The following BCL11B variants were observed in gnomAD, a reference collection of about 807,000 sequenced individuals.
BCL11B encodes B-cell lymphoma/leukemia 11B.
Under a neutral mutation model 49.9 loss-of-function variants are expected in BCL11B, and 8 were observed. The observed-to-expected ratio is 0.16, with a 90% CI of 0.09 to 0.29. The LOEUF (loss-of-function observed/expected upper bound fraction) is 0.29, where lower values mean the gene tolerates loss of function less well. Among genes scored for constraint, BCL11B ranks in the 10% least tolerant of loss-of-function variants. The probability of loss-of-function intolerance (pLI) is 1.00; values close to 1 mark genes in which losing one functional copy is unlikely to be tolerated. For missense variants in BCL11B, 1,006 were observed against 1,351.0 expected (o/e 0.74, Z 4.00); for synonymous variants, 739 against 637.4 (o/e 1.16, Z -2.40).
chr14:99,237,785 G>A (rs1888547629), intron 2 of BCL11B, among the ~76,000 whole-genome samples: 2 of 152,212 alleles, frequency 1.3e-5, no homozygotes, highest in African/African-American at 4.8e-5. Flanking sequence ...TGGCCTCTAT[G>A]TGGGCGGCTA....
At chr14:99,187,662 CA>C (rs11385017) in intron 3 of BCL11B, among the ~76,000 whole-genome samples, 115 of 136,074 alleles carry the variant, frequency 8.5e-4, no homozygotes, top group Admixed American at 1.2e-3. Context: ...GATAAACAGG[CA>C]AAAAAAAAAA....
rs1889188771 is a variant in BCL11B at position 99,257,173 on chromosome 14, A to C, written c.427+298T>G. On this transcript the variant is annotated intron_variant, in intron 2 of 3. Coordinates refer to ENST00000357195, the MANE Select transcript of BCL11B (RefSeq NM_138576.4). The surrounding 1 kb of genome is among the most constrained non-coding windows in gnomAD (Gnocchi z 6.2). ...AAGATCAGTAGCAAAGAGAGGGCCA[A>C]CCAGACTTCCAAATTTTCATTCTGT... Among the ~76,000 whole-genome samples, 1 of 152,144 alleles carries C rather than the reference A, an allele frequency of 6.6e-6. No homozygotes were observed. The highest frequency in any genetic ancestry group is 2.4e-5 in the African/African-American group (1 of 41,432).
intron 3 of BCL11B, among the ~76,000 whole-genome samples, chr14:99,186,468 C>T (rs375959575): frequency 3.9e-5 from 6 of 152,098 alleles, no homozygotes; most frequent in South Asian, 2.1e-4. Flanking sequence ...TGCAGTGAGC[C>T]GAGGTCGCAC....
chr14:99,258,358 C>T (rs1484622404), intron 1 of BCL11B, among the ~76,000 whole-genome samples: 1 of 152,204 alleles, frequency 6.6e-6, no homozygotes, highest in Non-Finnish European at 1.5e-5. Flanking sequence ...GGCCGAGAAC[C>T]AGTGAGCTGG....
At chr14:99,252,870 G>A (rs1015894615) in intron 2 of BCL11B, among the ~76,000 whole-genome samples, 2 of 152,264 alleles carry the variant, frequency 1.3e-5, no homozygotes, top group Non-Finnish European at 2.9e-5. Context: ...CCCCTTCAGT[G>A]ACTATCAAGT....
chr14:99,235,902 A>T (rs1888483848), intron 2 of BCL11B, among the ~76,000 whole-genome samples: 1 of 69,174 alleles, frequency 1.4e-5, no homozygotes, highest in Non-Finnish European at 4.0e-5. Flanking sequence ...AAAATTAAAA[A>T]AATTAAAAAA....
In BCL11B at chr14:99,271,952, T is replaced by G. The variant is rs1445577958; in HGVS notation, c.-734A>C. 1.3e-5 allele frequency among the ~76,000 whole-genome samples: 2 copies of G among 152,012 alleles called. No individual in the cohort carries two copies. Among genetic ancestry groups the G allele is most frequent in the Admixed American group, 1.3e-4 (2 of 15,268 alleles). ...TCGGAGACTGACCCTTCCGAGGCTC[T>G]GGGGGGACACCAGGAGAGGCTCCTT... On this transcript the variant is annotated 5_prime_UTR_variant, in exon 1 of 4. Transcript: ENST00000357195.
At position 99,194,767 on chromosome 14, in the gene BCL11B, A is replaced by G. The variant is rs1887132285; in HGVS notation, c.641-18572T>C. Among the ~76,000 whole-genome samples the G allele has an allele frequency of 1.3e-5, 2 of 152,188 alleles. No individual in the cohort carries two copies. Among genetic ancestry groups the G allele is most frequent in the African/African-American group, 2.4e-5 (1 of 41,440 alleles). ...GATGACTTGGCTCAAAAGCAGTCTCAACCGTGGAGCAGACGGCCTTCGATA... is the reference window on the plus strand; with the variant it reads ...GATGACTTGGCTCAAAAGCAGTCTCGACCGTGGAGCAGACGGCCTTCGATA... On this transcript the variant is annotated intron_variant, in intron 3 of 3. Transcript: ENST00000357195. The surrounding 1 kb of genome is among the most constrained non-coding windows in gnomAD (Gnocchi z 4.6).
intron 3 of BCL11B, among the ~76,000 whole-genome samples, chr14:99,183,753 G>A (rs1012222665): frequency 4.0e-5 from 6 of 151,854 alleles, no homozygotes; most frequent in Admixed American, 1.3e-4. Flanking sequence ...CATGGTCAGC[G>A]TTCCTGAAGT....
chr14:99,256,475 A>T (rs1240076375), intron 2 of BCL11B, among the ~76,000 whole-genome samples: 1 of 152,228 alleles, frequency 6.6e-6, no homozygotes, highest in Non-Finnish European at 1.5e-5. Flanking sequence ...ACTCGTCTGC[A>T]TAAACTCTGA....
intron 3 of BCL11B, among the ~76,000 whole-genome samples, chr14:99,230,915 G>C (rs1005567533): frequency 1.3e-5 from 2 of 152,284 alleles, no homozygotes; most frequent in East Asian, 3.9e-4. Flanking sequence ...CAGCATTTTG[G>C]ACGGCTCCAG....
chr14:99,198,695 C>T (rs930323268), intron 3 of BCL11B, among the ~76,000 whole-genome samples: 2 of 147,360 alleles, frequency 1.4e-5, no homozygotes, highest in African/African-American at 5.3e-5. Context: ...GTGCACCTTC[C>T]GCACCTTCCG....
In BCL11B at chr14:99,248,976, G is replaced by C. The variant is rs919761149; in HGVS notation, c.427+8495C>G. ...GCCTCTCCCCACTCTGGACTCAACA[G>C]GGCCACTTGCCTGTAACTCATGACG... On this transcript the variant is annotated intron_variant, in intron 2 of 3. Transcript: ENST00000357195. The surrounding 1 kb of genome is among the most constrained non-coding windows in gnomAD (Gnocchi z 4.7). 6.6e-6 allele frequency among the ~76,000 whole-genome samples: 1 copy of C among 152,138 alleles called. No individual in the cohort carries two copies. The highest frequency in any genetic ancestry group is 2.4e-5 in the African/African-American group (1 of 41,428).
chr14:99,178,283 C>G (rs1595219242), intron 3 of BCL11B, among the ~76,000 whole-genome samples: 1 of 152,322 alleles, frequency 6.6e-6, no homozygotes, highest in East Asian at 1.9e-4. Flanking sequence ...AGTTCGGCCT[C>G]ATCCCTCTTA....
chr14:99,241,671 C>G lies in BCL11B; in HGVS notation c.428-10114G>C, dbSNP rs1449089838. ...ACGTGTCCCTGTGCTGTAGGGGGGA[C>G]GATGTCGCTTTTTTCCCCCTTCCCT... On this transcript the variant is annotated intron_variant, in intron 2 of 3. Transcript: ENST00000357195. The surrounding 1 kb of genome is among the most constrained non-coding windows in gnomAD (Gnocchi z 4.4). Among the ~76,000 whole-genome samples, 1 of 151,988 alleles carries G rather than the reference C, an allele frequency of 6.6e-6. No homozygotes were observed. Among genetic ancestry groups the G allele is most frequent in the African/African-American group, 2.4e-5 (1 of 41,368 alleles).
intron 3 of BCL11B, among the ~76,000 whole-genome samples, chr14:99,221,971 G>A (rs1888022436): frequency 6.6e-6 from 1 of 152,212 alleles, no homozygotes; most frequent in African/African-American, 2.4e-5. Flanking sequence ...GGTTTCCCTG[G>A]CATAATGCTG....
Position 99,269,874 on chromosome 14 carries a change from T to C in BCL11B, c.58+1287A>G, listed in dbSNP as rs1369148546. On this transcript the variant is annotated intron_variant, in intron 1 of 3. Coordinates refer to ENST00000357195, the MANE Select transcript of BCL11B (RefSeq NM_138576.4). ...AGAGGATGTTTTATTTCTATTGCAG[T>C]TAAAAAAAAAAAAAAAAAAAAAAAA... Among the ~76,000 whole-genome samples, 4 of 62,820 alleles carry C rather than the reference T, an allele frequency of 6.4e-5. No homozygotes were observed. The East Asian group carries it at 1.5e-3, about 24-fold the overall frequency. 41.2% of individuals were successfully genotyped at this position (62,820 alleles called of 152,430 possible).
At chr14:99,216,846 C>T (rs773703945) in intron 3 of BCL11B, among the ~76,000 whole-genome samples, 4 of 152,126 alleles carry the variant, frequency 2.6e-5, no homozygotes, top group Admixed American at 6.5e-5. Context: ...CACAAAAACA[C>T]TCATACACAC....
chr14:99,227,847 C>G (rs1216245101), intron 3 of BCL11B, among the ~76,000 whole-genome samples: 3 of 152,040 alleles, frequency 2.0e-5, no homozygotes, highest in African/African-American at 7.2e-5. Context: ...AATTTCAGTT[C>G]CCAGGAACGC....
Sources: gnomAD v4.1 joint callset for allele counts (sites outside exome capture counted in the v4.1 genomes callset) on GRCh38, gnomAD v4.1.1 for gene constraint, Gnocchi (gnomAD v3.1) non-coding constraint, MANE v1.5 for transcripts, NCBI Gene and HGNC (gene_info 2026-07-23, HGNC 2026-07-21) for gene names.